Variants in AXIN1 observed in about 807,000 individuals in gnomAD.
The protein encoded by AXIN1 is axin 1, also known as axin-1.
Under a neutral mutation model 76.4 loss-of-function variants are expected in AXIN1, and 30 were observed. That is an observed-to-expected ratio of 0.39 (90% confidence interval 0.29 to 0.53). AXIN1 has a LOEUF of 0.53. Ranked by LOEUF, AXIN1 falls within the 20% of genes least tolerant of loss-of-function variation. The pLI is 0.66. For synonymous variants in AXIN1, 545 were observed against 501.4 expected, an observed-to-expected ratio of 1.09 and a Z score of -1.16; for missense variants, 1,140 against 1,198.8, an observed-to-expected ratio of 0.95 and a Z score of 0.72.
intron 9 of AXIN1, 65 bp downstream of exon 9, chr16:291,125 G>C: frequency 6.8e-7 from 1 of 1,473,722 alleles, no homozygotes; most frequent in Non-Finnish European, 9.3e-7. Flanking sequence ...CTCTACGATG[G>C]GACCTGGCTT....
chr16:315,672 A>C (rs2141597882), intron 2 of AXIN1, among the ~76,000 whole-genome samples: 1 of 152,144 alleles, frequency 6.6e-6, no homozygotes, highest in East Asian at 1.9e-4. Context: ...CTAAAAATAC[A>C]AAAAATTAGC....
Position 293,517 on chromosome 16 carries a change from CTTT to C in AXIN1, c.2154_2156del (p.Lys719del). The C allele has an allele frequency of 6.2e-7, 1 of 1,610,448 alleles. No homozygotes were observed. Among genetic ancestry groups the C allele is most frequent in the Non-Finnish European group, 8.5e-7 (1 of 1,179,974 alleles). On this transcript the variant is annotated inframe_deletion, in exon 8 of 11. Coordinates refer to ENST00000262320, the MANE Select transcript of AXIN1 (RefSeq NM_003502.4). The surrounding 1 kb of genome is among the most constrained non-coding windows in gnomAD (Gnocchi z 4.6). ...GCTTGGAGGGTGCTCGGCTGGCTCT[CTTT>C]TCTTCCTCCTCCAGACGTCGGCGCG...
At chr16:290,856 T>A in intron 9 of AXIN1, 1 of 433,914 alleles carries the variant, frequency 2.3e-6, no homozygotes. Flanking sequence ...ACCGGCCCGT[T>A]CCAAGCCGGG....
intron 8 of AXIN1, 100 bp from the exon 9 acceptor site, chr16:291,397 A>C (rs2052557234): frequency 9.5e-7 from 1 of 1,050,616 alleles, no homozygotes; most frequent in East Asian, 2.6e-5. Flanking sequence ...ACGGAGCGTG[A>C]AGGGCCCGAA....
chr16:315,924 G>A (rs747294823), intron 2 of AXIN1, among the ~76,000 whole-genome samples: 5 of 150,754 alleles, frequency 3.3e-5, no homozygotes, highest in Non-Finnish European at 5.9e-5. Context: ...GTGGTGGCAC[G>A]CACCTGTAAT....
intron 2 of AXIN1, among the ~76,000 whole-genome samples, chr16:324,125 C>T (rs974989878): frequency 2.0e-5 from 3 of 150,772 alleles, no homozygotes; most frequent in Admixed American, 6.6e-5. Flanking sequence ...TACCCGGGAC[C>T]GTCCGCACTG....
At chr16:344,343 C>T (rs13331491) in intron 2 of AXIN1, among the ~76,000 whole-genome samples, 32,352 of 147,604 alleles carry the variant, frequency 0.22, 3,681 homozygotes, top group South Asian at 0.31. Context: ...GGCAGGAGAA[C>T]GGCGTGAACC....
At chr16:298,671 C>A (rs2052786857) in intron 5 of AXIN1, among the ~76,000 whole-genome samples, 1 of 152,184 alleles carries the variant, frequency 6.6e-6, no homozygotes, top group South Asian at 2.1e-4. Context: ...CCACGCCCAG[C>A]TAATTTTTTT....
chr16:311,489 G>A (rs1030023534), intron 3 of AXIN1, among the ~76,000 whole-genome samples: 4 of 152,004 alleles, frequency 2.6e-5, no homozygotes, highest in Admixed American at 1.3e-4. Flanking sequence ...AGCTGCCTTC[G>A]GGCTGGGCGC....
chr16:317,796 C>T (rs930368457), intron 2 of AXIN1, among the ~76,000 whole-genome samples: 1 of 152,230 alleles, frequency 6.6e-6, no homozygotes, highest in Non-Finnish European at 1.5e-5. Context: ...TGCTCAGCAG[C>T]TACTGATATT....
At chr16:349,855 G>A (rs2054107524) in intron 1 of AXIN1, among the ~76,000 whole-genome samples, 1 of 152,210 alleles carries the variant, frequency 6.6e-6, no homozygotes, top group South Asian at 2.1e-4. Flanking sequence ...CTGGACTGCA[G>A]TGGGGCGATC....
chr16:352,025 G>C (rs539851782), intron 1 of AXIN1, among the ~76,000 whole-genome samples: 46 of 152,118 alleles, frequency 3.0e-4, no homozygotes, highest in African/African-American at 1.0e-3. Flanking sequence ...GACCCGGCAC[G>C]CGGCCTCGGC....
chr16:310,873 C>A (rs1427461319), intron 3 of AXIN1, among the ~76,000 whole-genome samples: 1 of 152,174 alleles, frequency 6.6e-6, no homozygotes, highest in Non-Finnish European at 1.5e-5. Context: ...CTAAATGGAC[C>A]AAAAACATTT....
intron 4 of AXIN1, among the ~76,000 whole-genome samples, chr16:308,558 G>A (rs1341602290): frequency 6.6e-6 from 1 of 152,262 alleles, no homozygotes; most frequent in South Asian, 2.1e-4. Context: ...TGGTTGCTCA[G>A]CTGTCTTGTC....
intron 7 of AXIN1, among the ~76,000 whole-genome samples, chr16:295,542 C>T (rs1239657010): frequency 2.0e-5 from 3 of 151,132 alleles, no homozygotes; most frequent in African/African-American, 7.4e-5. Flanking sequence ...CAGAGGGAGA[C>T]TCTGTCGCAA....
chr16:287,966 C>A lies in AXIN1; in HGVS notation c.*156G>T. On this transcript the variant is annotated 3_prime_UTR_variant, in exon 11 of 11. Transcript: ENST00000262320. ...AAGCTTGTGGACCACTTGGAGGGAC[C>A]CCCTACCTGCCTCTAGACACGGGTA... 7.8e-7 allele frequency: 1 copy of A among 1,279,658 alleles called. No homozygotes were observed. The highest frequency in any genetic ancestry group is 1.1e-6 in the Non-Finnish European group (1 of 896,840). The allele number at this position is 1,279,658 out of a possible 1,614,324, so 79.3% of individuals were successfully genotyped here. A position where few individuals can be genotyped will look rare whatever the true frequency, so the allele number is the denominator to read the frequency against.
intron 4 of AXIN1, among the ~76,000 whole-genome samples, chr16:305,610 T>C (rs979011111): frequency 1.5e-4 from 23 of 152,074 alleles, no homozygotes; most frequent in South Asian, 4.1e-4. Flanking sequence ...GTGGCGCGAT[T>C]TCGGCTCACT....
chr16:295,875 G>A (rs1293001050), intron 7 of AXIN1, among the ~76,000 whole-genome samples: 3 of 152,170 alleles, frequency 2.0e-5, no homozygotes, highest in Admixed American at 2.0e-4. Flanking sequence ...GCTGAGGCAG[G>A]AGAATTGCTT....
intron 2 of AXIN1, among the ~76,000 whole-genome samples, chr16:330,160 AG>A (rs1214682810): frequency 6.6e-6 from 1 of 150,798 alleles, no homozygotes; most frequent in Non-Finnish European, 1.5e-5. Flanking sequence ...TCCCGGTCTC[AG>A]GTGACCCACC....
Sources: gnomAD v4.1 joint callset for allele counts (sites outside exome capture counted in the v4.1 genomes callset) on GRCh38, gnomAD v4.1.1 for gene constraint, Gnocchi (gnomAD v3.1) non-coding constraint, MANE v1.5 for transcripts, NCBI Gene and HGNC (gene_info 2026-07-23, HGNC 2026-07-21) for gene names.